MCF2L: variants seen among roughly 807,000 people sequenced by gnomAD.
The protein encoded by MCF2L is guanine nucleotide exchange factor DBS.
A neutral mutation model predicts 153.4 loss-of-function variants in MCF2L; 97 were observed. The observed-to-expected ratio is 0.63, with a 90% CI of 0.54 to 0.75. The LOEUF (loss-of-function observed/expected upper bound fraction) is 0.75, where lower values mean the gene tolerates loss of function less well. MCF2L is among the 30% of genes least tolerant of loss of function. The pLI is 0.00. For missense variants in MCF2L, 1,347 were observed against 1,495.2 expected (o/e 0.90, Z 1.64); for synonymous variants, 659 against 632.2 (o/e 1.04, Z -0.64).
intron 2 of MCF2L, among the ~76,000 whole-genome samples, chr13:112,919,079 T>A (rs1475354641): frequency 2.0e-5 from 3 of 152,364 alleles, no homozygotes; most frequent in African/African-American, 7.2e-5. Context: ...TCTTTCCTTG[T>A]GCCTAGCAAC....
At chr13:112,986,549 G>A (rs1386229252) in intron 1 of MCF2L, among the ~76,000 whole-genome samples, 4 of 152,240 alleles carry the variant, frequency 2.6e-5, no homozygotes, top group Non-Finnish European at 2.9e-5. Flanking sequence ...AGACAGTGGC[G>A]GTGCTCCCGG....
upstream of MCF2L, chr13:112,968,302 C>A: frequency 2.0e-6 from 1 of 506,168 alleles, no homozygotes; most frequent in South Asian, 8.5e-5. Context: ...TAATACCAAA[C>A]CACAAAAGGA....
rs1566772935 is a variant in MCF2L, at chr13:113,033,282, CTGTGA to C, written c.278+8525_278+8529del. Among the ~76,000 whole-genome samples, 796 of 134,360 alleles carry C rather than the reference CTGTGA, an allele frequency of 5.9e-3. 3 individuals carry two copies. The highest frequency in any genetic ancestry group is 9.3e-3 in the Middle Eastern group (2 of 214). 88.1% of individuals were successfully genotyped at this position (134,360 alleles called of 152,430 possible). A position where few individuals can be genotyped will look rare whatever the true frequency, so the allele number is the denominator to read the frequency against. On this transcript the variant is annotated intron_variant, in intron 3 of 29. Coordinates refer to ENST00000535094, the MANE Select transcript of MCF2L (RefSeq NM_001112732.3). ...GTGGACCCCGTGGCGTGAGTGGCCC[CTGTGA>C]CATTAGTGGACCCCGTGGCGTGAGT...
intron 2 of MCF2L, among the ~76,000 whole-genome samples, chr13:112,954,906 C>T (rs2081738812): frequency 6.6e-6 from 1 of 152,244 alleles, no homozygotes; most frequent in Non-Finnish European, 1.5e-5. Context: ...GCCATGGGAA[C>T]TCATGCTGTT....
intron 2 of MCF2L, among the ~76,000 whole-genome samples, chr13:112,908,217 C>T (rs1406617688): frequency 2.0e-5 from 3 of 152,194 alleles, no homozygotes; most frequent in African/African-American, 4.8e-5. Flanking sequence ...GGCATGGGGG[C>T]ACAGGTGCTC....
intron 1 of MCF2L, among the ~76,000 whole-genome samples, chr13:112,979,936 G>A (rs1204122880): frequency 6.6e-6 from 1 of 152,220 alleles, no homozygotes; most frequent in Non-Finnish European, 1.5e-5. Context: ...CCCACTCCAG[G>A]TCTGTGGGTC....
rs1212976416 is a variant in MCF2L at position 113,096,636 on chromosome 13, A to G, written c.3275A>G (p.Gln1092Arg). ...CGGCTCGGCCCGTCCGGCTCGGCCCAGTGCCTGAGCAGCTCAGGTAAGGCC... is the reference window on the plus strand; with the variant it reads ...CGGCTCGGCCCGTCCGGCTCGGCCCGGTGCCTGAGCAGCTCAGGTAAGGCC... Reference protein sequence around the residue: ...SVRLGPSGSAQCLSSSESSPG... With the variant: ...SVRLGPSGSARCLSSSESSPG... The change falls in exon 29 of 30, where the codon CAG becomes CGG. Residue 1092 changes from glutamine (Q) to arginine (R), a missense_variant. Transcript: ENST00000535094. 6.3e-7 allele frequency: 1 copy of G among 1,590,044 alleles called. No homozygotes were observed. Among genetic ancestry groups the G allele is most frequent in the Non-Finnish European group, 8.5e-7 (1 of 1,174,574 alleles).
At chr13:112,968,423 A>C (rs1347523828), upstream of MCF2L, 2 of 1,574,012 alleles carry the variant, frequency 1.3e-6, no homozygotes, top group Non-Finnish European at 1.7e-6. Context: ...GGCAGCCAGG[A>C]CGCTGCGTGT....
intron 2 of MCF2L, among the ~76,000 whole-genome samples, chr13:112,908,260 G>A (rs549016893): frequency 1.9e-4 from 29 of 152,258 alleles, no homozygotes; most frequent in African/African-American, 6.3e-4. Context: ...TAGGGGGATG[G>A]GGTGGACCAC....
chr13:112,972,494 T>TGATG (rs1411067311), intron 1 of MCF2L, among the ~76,000 whole-genome samples: 1 of 136,064 alleles, frequency 7.3e-6, no homozygotes, highest in East Asian at 2.3e-4. Flanking sequence ...GGATGGATGA[T>TGATG]GATGGATGGA....
intron 1 of MCF2L, among the ~76,000 whole-genome samples, chr13:112,986,699 G>GGCCT (rs1566692506): frequency 1.3e-5 from 2 of 152,348 alleles, no homozygotes; most frequent in African/African-American, 4.8e-5. Flanking sequence ...CTGCTGGGCG[G>GGCCT]GCCTGCCTGC....
chr13:112,925,666 A>G (rs1388837151), intron 2 of MCF2L, among the ~76,000 whole-genome samples: 3 of 152,088 alleles, frequency 2.0e-5, no homozygotes, highest in Non-Finnish European at 4.4e-5. Flanking sequence ...ATTGGTTGGG[A>G]AGGGGCCAGG....
chr13:113,082,804 G>A (rs1221858766), intron 17 of MCF2L, among the ~76,000 whole-genome samples: 2 of 152,174 alleles, frequency 1.3e-5, no homozygotes, highest in Non-Finnish European at 2.9e-5. Context: ...AGGGCTCTGA[G>A]CCCGAGTGCG....
At chr13:113,037,271 T>TAGA (rs1340900531) in intron 3 of MCF2L, among the ~76,000 whole-genome samples, 8 of 151,496 alleles carry the variant, frequency 5.3e-5, no homozygotes, top group Non-Finnish European at 1.0e-4. Context: ...CCCCTAGGAG[T>TAGA]AGAAGGTGGA....
At chr13:112,994,165 C>T (rs1190735397) in intron 1 of MCF2L, among the ~76,000 whole-genome samples, 1 of 151,956 alleles carries the variant, frequency 6.6e-6, no homozygotes, top group South Asian at 2.1e-4. Flanking sequence ...GCCAAGCTGA[C>T]GTCACTGTGC....
chr13:113,077,094 G>A lies in MCF2L; in HGVS notation c.1543G>A (p.Glu515Lys), dbSNP rs1439790242. The change falls in exon 13 of 30, where the codon GAG (glutamate) becomes AAG (lysine). Residue 515 changes from glutamate (E) to lysine (K), a missense_variant. By Grantham distance (56) the Glu-to-Lys change is moderately conservative (BLOSUM62 1). This residue lies in a region of MCF2L where 820 missense variants were observed against 921.2 expected (regional missense o/e 0.89). Transcript: ENST00000535094. The part of the protein sequence containing the change: ...KVFQKQASME[E>K]VFHRRQASLK... Reference sequence around the variant, plus strand: ...CTTCCAGAAGCAGGCAAGCATGGAGGAGGTGTTCCACCGCAGGCAGGCCAG... The same window carrying A: ...CTTCCAGAAGCAGGCAAGCATGGAGAAGGTGTTCCACCGCAGGCAGGCCAG... The A allele has an allele frequency of 6.2e-7, 1 of 1,612,826 alleles. No individual in the cohort carries two copies. The highest frequency in any genetic ancestry group is 8.5e-7 in the Non-Finnish European group (1 of 1,179,822).
intron 2 of MCF2L, among the ~76,000 whole-genome samples, chr13:112,927,129 A>T (rs1032614004): frequency 5.3e-5 from 8 of 152,208 alleles, no homozygotes; most frequent in Admixed American, 2.0e-4. Flanking sequence ...AGAAGTGGGG[A>T]GGGCTGAACT....
rs911478143 is a variant in MCF2L, at chr13:112,951,464, G to A, written c.169+49093G>A. Among the ~76,000 whole-genome samples, 2 of 152,158 alleles carry A rather than the reference G, an allele frequency of 1.3e-5. No homozygotes were observed. The highest frequency in any genetic ancestry group is 4.1e-4 in the South Asian group (2 of 4,824). On this transcript the variant is annotated intron_variant, in intron 2 of 29. Transcript: ENST00000375608. This position sits in a 1 kb window ranked among gnomAD's most constrained non-coding sequence, Gnocchi z 4.8. ...CTGGAAAGAACCCCAATGTCTTTTG[G>A]TGGGTGAAACGTTAAATTGTACGTC...
At chr13:112,961,432 T>C (rs895909958) in intron 2 of MCF2L, among the ~76,000 whole-genome samples, 1 of 152,196 alleles carries the variant, frequency 6.6e-6, no homozygotes, top group Non-Finnish European at 1.5e-5. Flanking sequence ...GGGGTAATCG[T>C]GCAGCAGGGC....
Sources: gnomAD v4.1 joint callset for allele counts (sites outside exome capture counted in the v4.1 genomes callset) on GRCh38, gnomAD v4.1.1 for gene constraint, gnomAD v4.1.1 regional missense constraint, Gnocchi (gnomAD v3.1) non-coding constraint, MANE v1.5 for transcripts, NCBI Gene and HGNC (gene_info 2026-07-23, HGNC 2026-07-21) for gene names.